The following TENM4 variants were observed in gnomAD, a reference collection of about 807,000 sequenced individuals.
The protein encoded by TENM4 is teneurin-4.
A neutral mutation model predicts 243.3 loss-of-function variants in TENM4; 82 were observed. That is an observed-to-expected ratio of 0.34 (90% CI 0.28 to 0.40). The LOEUF is 0.40. Ranked by LOEUF, TENM4 falls within the 10% of genes least tolerant of loss-of-function variation. TENM4 has a pLI of 1.00. For synonymous variants in TENM4, 1,412 were observed against 1,456.3 expected (o/e 0.97, Z 0.69); for missense variants, 3,138 against 3,673.3 (o/e 0.85, Z 3.77).
At chr11:79,339,311 C>T (rs1857204262) in intron 1 of TENM4, among the ~76,000 whole-genome samples, 1 of 152,226 alleles carries the variant, frequency 6.6e-6, no homozygotes, top group Non-Finnish European at 1.5e-5. Flanking sequence ...AGGATGCCTG[C>T]TCTATCTCCA....
intron 2 of TENM4, among the ~76,000 whole-genome samples, chr11:79,223,582 T>A (rs1337361838): frequency 6.6e-6 from 1 of 151,902 alleles, no homozygotes; most frequent in African/African-American, 2.4e-5. Context: ...AAATCCAAAC[T>A]CTCCCCTATA....
intron 6 of TENM4, among the ~76,000 whole-genome samples, chr11:78,997,385 C>G (rs1483464674): frequency 1.3e-5 from 2 of 152,192 alleles, no homozygotes; most frequent in African/African-American, 4.8e-5. Flanking sequence ...GTTTATGACT[C>G]TGAATCTTAA....
At chr11:79,129,848 C>T (rs1861965026) in intron 4 of TENM4, among the ~76,000 whole-genome samples, 1 of 152,100 alleles carries the variant, frequency 6.6e-6, no homozygotes, top group East Asian at 1.9e-4. Flanking sequence ...AGTTCTAGAG[C>T]CCCACCCACC....
chr11:78,734,191 AAAAAAATAAAAAAT>A (rs150940857), intron 20 of TENM4, among the ~76,000 whole-genome samples: 34 of 149,702 alleles, frequency 2.3e-4, no homozygotes, highest in South Asian at 6.5e-4. Context: ...AACCTGTCTC[AAAAAAATAAAAAAT>A]AAAAAATAAA....
chr11:79,057,824 C>T (rs1448534964), intron 6 of TENM4, among the ~76,000 whole-genome samples: 1 of 152,120 alleles, frequency 6.6e-6, no homozygotes, highest in African/African-American at 2.4e-5. Context: ...CGCTTATGTC[C>T]TAGCCTCATA....
At chr11:78,814,430 A>C (rs1339569167) in intron 12 of TENM4, 35 bp from the exon 13 acceptor site, 1 of 1,534,878 alleles carries the variant, frequency 6.5e-7, no homozygotes, top group Non-Finnish European at 8.8e-7. Context: ...GTTGAAAACA[A>C]ATTTCCTTAC....
At chr11:79,053,255 G>A (rs1245421620) in intron 6 of TENM4, among the ~76,000 whole-genome samples, 1 of 152,224 alleles carries the variant, frequency 6.6e-6, no homozygotes, top group Non-Finnish European at 1.5e-5. Flanking sequence ...CATTATGAAT[G>A]TGGGTTCCAG....
At chr11:79,315,493 T>G (rs749446440) in intron 1 of TENM4, among the ~76,000 whole-genome samples, 1 of 152,190 alleles carries the variant, frequency 6.6e-6, no homozygotes, top group Non-Finnish European at 1.5e-5. Flanking sequence ...TGGCTGCGGA[T>G]AGGGGAGCAG....
At chr11:79,152,655 G>A (rs1591318255) in intron 3 of TENM4, among the ~76,000 whole-genome samples, 1 of 152,342 alleles carries the variant, frequency 6.6e-6, no homozygotes, top group African/African-American at 2.4e-5. Flanking sequence ...GGAGCCAGCT[G>A]CATTCCTCCA....
At chr11:79,118,959 T>C (rs772802004) in intron 4 of TENM4, among the ~76,000 whole-genome samples, 1 of 152,080 alleles carries the variant, frequency 6.6e-6, no homozygotes, top group Non-Finnish European at 1.5e-5. Flanking sequence ...ATTTCATTTT[T>C]AACTTTTTGA....
intron 3 of TENM4, among the ~76,000 whole-genome samples, chr11:79,186,102 C>A (rs887259959): frequency 1.3e-5 from 2 of 152,158 alleles, no homozygotes; most frequent in African/African-American, 4.8e-5. Flanking sequence ...GGATTTAAAT[C>A]CAGATCTCTC....
chr11:78,841,269 C>T (rs1279901334), intron 12 of TENM4, among the ~76,000 whole-genome samples: 2 of 152,206 alleles, frequency 1.3e-5, no homozygotes, highest in Non-Finnish European at 2.9e-5. Flanking sequence ...CTGTATTCAA[C>T]CAGCTACCTG....
At chr11:78,888,154 A>C (rs1855585821) in intron 9 of TENM4, among the ~76,000 whole-genome samples, 1 of 152,238 alleles carries the variant, frequency 6.6e-6, no homozygotes, top group Non-Finnish European at 1.5e-5. Flanking sequence ...TGTTTCATTT[A>C]TACAATGACC....
At chr11:78,996,527 T>A (rs575935657) in intron 6 of TENM4, among the ~76,000 whole-genome samples, 215 of 152,106 alleles carry the variant, frequency 1.4e-3, no homozygotes, top group Non-Finnish European at 2.7e-3. Flanking sequence ...AAATAACACA[T>A]GGTTGTTATT....
intron 1 of TENM4, among the ~76,000 whole-genome samples, chr11:79,332,671 A>G (rs1857080632): frequency 6.6e-6 from 1 of 152,182 alleles, no homozygotes; most frequent in African/African-American, 2.4e-5. Flanking sequence ...CCCACTTCTC[A>G]GATAAATAAA....
chr11:78,707,138 CTG>C (rs1175419991), intron 27 of TENM4, among the ~76,000 whole-genome samples: 3 of 152,204 alleles, frequency 2.0e-5, no homozygotes, highest in Non-Finnish European at 2.9e-5. Context: ...GGAAAAGGGC[CTG>C]TGTGTGCAGG....
At chr11:78,961,942 T>TC (rs569622827) in intron 6 of TENM4, among the ~76,000 whole-genome samples, 156 of 152,176 alleles carry the variant, frequency 1.0e-3, no homozygotes, top group Admixed American at 3.5e-3. Flanking sequence ...GAAGCAGCCC[T>TC]CCAACTCTTG....
intron 18 of TENM4, among the ~76,000 whole-genome samples, chr11:78,760,747 AC>A (rs1856412111): frequency 6.6e-6 from 1 of 152,198 alleles, no homozygotes; most frequent in Non-Finnish European, 1.5e-5. Flanking sequence ...GAAATTAACT[AC>A]TAAATGCTTA....
intron 2 of TENM4, among the ~76,000 whole-genome samples, chr11:79,259,642 C>T (rs1289252047): frequency 7.4e-6 from 1 of 134,338 alleles, no homozygotes; most frequent in Admixed American, 7.5e-5. Flanking sequence ...CTCCCCCATC[C>T]ATCCATCCAT....
Sources: gnomAD v4.1 joint callset for allele counts (sites outside exome capture counted in the v4.1 genomes callset) on GRCh38, gnomAD v4.1.1 for gene constraint, MANE v1.5 for transcripts, NCBI Gene and HGNC (gene_info 2026-07-23, HGNC 2026-07-21) for gene names.